The following DRC11 variants were observed in gnomAD, a reference collection of about 807,000 sequenced individuals.
The protein encoded by DRC11 is dynein regulatory complex subunit 11.
chr2:236,494,289 A>C, the DRC11 span, among the ~76,000 whole-genome samples: 1 of 152,224 alleles, frequency 6.6e-6, no homozygotes, highest in Non-Finnish European at 1.5e-5. The surrounding 1 kb of genome is among the most constrained non-coding windows in gnomAD (Gnocchi z 4.2). Flanking sequence ...TATCATTAGC[A>C]CCGACTATTT....
At chr2:236,384,632 T>G in the DRC11 span, among the ~76,000 whole-genome samples, 1 of 152,174 alleles carries the variant, frequency 6.6e-6, no homozygotes, top group Admixed American at 6.5e-5. Context: ...CTGATGGTAG[T>G]GTCTTTTGCT....
At chr2:236,335,877 G>A in the DRC11 span, among the ~76,000 whole-genome samples, 2 of 152,072 alleles carry the variant, frequency 1.3e-5, no homozygotes, top group Non-Finnish European at 2.9e-5. The surrounding 1 kb of genome is among the most constrained non-coding windows in gnomAD (Gnocchi z 5.6). Context: ...GTGCCTGCCC[G>A]TCTTGCGCTG....
chr2:236,445,231 C>T, the DRC11 span, among the ~76,000 whole-genome samples: 1 of 152,084 alleles, frequency 6.6e-6, no homozygotes, highest in Non-Finnish European at 1.5e-5. This position sits in a 1 kb window ranked among gnomAD's most constrained non-coding sequence, Gnocchi z 4.8. Context: ...TACATCATTT[C>T]TAACGTGGAA....
At chr2:236,373,076 G>A in the DRC11 span, among the ~76,000 whole-genome samples, 1 of 151,204 alleles carries the variant, frequency 6.6e-6, no homozygotes, top group Non-Finnish European at 1.5e-5. Flanking sequence ...TTGCCTTTTT[G>A]CCTTTTATTT....
chr2:236,386,332 A>G, the DRC11 span, among the ~76,000 whole-genome samples: 215 of 152,066 alleles, frequency 1.4e-3, no homozygotes, highest in South Asian at 5.0e-3. Context: ...TATTGCCACA[A>G]TTTCAGCTCC....
At chr2:236,388,484 A>T in the DRC11 span, among the ~76,000 whole-genome samples, 1 of 151,840 alleles carries the variant, frequency 6.6e-6, no homozygotes, top group Non-Finnish European at 1.5e-5. Flanking sequence ...CTCTTCACGT[A>T]GTTCTCGAGC....
chr2:236,317,022 G>A, the DRC11 span, among the ~76,000 whole-genome samples: 2 of 152,316 alleles, frequency 1.3e-5, no homozygotes, highest in African/African-American at 4.8e-5. The surrounding 1 kb of genome is among the most constrained non-coding windows in gnomAD (Gnocchi z 5.4). Context: ...TCAGCCGGGC[G>A]AGGTGGCTCA....
the DRC11 span, among the ~76,000 whole-genome samples, chr2:236,396,279 G>GT: frequency 2.6e-5 from 3 of 116,466 alleles, no homozygotes; most frequent in Admixed American, 1.0e-4. Flanking sequence ...AGTTTCACAC[G>GT]TGGGGGGGCA....
the DRC11 span, among the ~76,000 whole-genome samples, chr2:236,459,564 T>TAC: frequency 7.0e-6 from 1 of 142,380 alleles, no homozygotes; most frequent in African/African-American, 2.5e-5. Context: ...TGTATACGTA[T>TAC]ATATGTGTAT....
the DRC11 span, among the ~76,000 whole-genome samples, chr2:236,308,010 C>T: frequency 1.3e-5 from 2 of 152,170 alleles, no homozygotes; most frequent in Admixed American, 6.5e-5. This position sits in a 1 kb window ranked among gnomAD's most constrained non-coding sequence, Gnocchi z 6.0. Context: ...GTGACGCAGG[C>T]GTCCTCGTGT....
At chr2:236,403,894 C>A in the DRC11 span, among the ~76,000 whole-genome samples, 1 of 152,184 alleles carries the variant, frequency 6.6e-6, no homozygotes, top group African/African-American at 2.4e-5. Flanking sequence ...CACACCACAG[C>A]CCCTCTTCCC....
At chr2:236,331,523 C>A in the DRC11 span, 7 of 1,613,972 alleles carry the variant, frequency 4.3e-6, no homozygotes, top group Non-Finnish European at 5.9e-6. The surrounding 1 kb of genome is among the most constrained non-coding windows in gnomAD (Gnocchi z 4.8). Context: ...CCGTCAGTGA[C>A]CTTCGCCAGG....
At chr2:236,416,604 C>G in the DRC11 span, among the ~76,000 whole-genome samples, 5 of 150,870 alleles carry the variant, frequency 3.3e-5, no homozygotes, top group Non-Finnish European at 7.4e-5. Flanking sequence ...CTGCGGGTCA[C>G]AGTGCAGGAG....
the DRC11 span, chr2:236,408,070 T>A: frequency 1.7e-6 from 1 of 596,374 alleles, no homozygotes; most frequent in South Asian, 1.4e-5. This position sits in a 1 kb window ranked among gnomAD's most constrained non-coding sequence, Gnocchi z 5.5. Context: ...CACACATTCC[T>A]TCAGCATGAC....
chr2:236,452,818 A>T, the DRC11 span, among the ~76,000 whole-genome samples: 1 of 152,206 alleles, frequency 6.6e-6, no homozygotes, highest in Non-Finnish European at 1.5e-5. This position sits in a 1 kb window ranked among gnomAD's most constrained non-coding sequence, Gnocchi z 4.7. Flanking sequence ...CTTGAATCCT[A>T]CAGGAACCTC....
At chr2:236,380,429 A>T in the DRC11 span, 2 of 662,388 alleles carry the variant, frequency 3.0e-6, no homozygotes, top group Non-Finnish European at 5.3e-6. The surrounding 1 kb of genome is among the most constrained non-coding windows in gnomAD (Gnocchi z 4.9). Context: ...ATTTGTAGGG[A>T]CTTAGAGGTG....
chr2:236,381,051 C>G, the DRC11 span, among the ~76,000 whole-genome samples: 2 of 152,136 alleles, frequency 1.3e-5, no homozygotes, highest in Non-Finnish European at 2.9e-5. This position sits in a 1 kb window ranked among gnomAD's most constrained non-coding sequence, Gnocchi z 5.8. Flanking sequence ...AAGCCTACCC[C>G]CAAGGTGCTG....
chr2:236,453,585 T>G, the DRC11 span, among the ~76,000 whole-genome samples: 30,268 of 152,192 alleles, frequency 0.2, 3,285 homozygotes, highest in Middle Eastern at 0.29. The surrounding 1 kb of genome is among the most constrained non-coding windows in gnomAD (Gnocchi z 4.9). Context: ...CTACGGTGAC[T>G]GCAGCAGAGA....
At chr2:236,459,664 C>CGTATATAT in the DRC11 span, among the ~76,000 whole-genome samples, 1 of 139,760 alleles carries the variant, frequency 7.2e-6, no homozygotes, top group African/African-American at 2.7e-5. Context: ...TATATACATA[C>CGTATATAT]GTATATACGT....
Sources: gnomAD v4.1 joint callset for allele counts (sites outside exome capture counted in the v4.1 genomes callset) on GRCh38, gnomAD v4.1.1 for gene constraint, Gnocchi (gnomAD v3.1) non-coding constraint, MANE v1.5 for transcripts, NCBI Gene and HGNC (gene_info 2026-07-23, HGNC 2026-07-21) for gene names.